The following TRPV1 variants were observed in gnomAD, a reference collection of about 807,000 sequenced individuals.
The protein encoded by TRPV1 is OTRPC1.
In TRPV1, 82 loss-of-function variants were observed where a neutral mutation model predicts 82.3. The observed-to-expected ratio is 1.00, with a 90% confidence interval of 0.83 to 1.20. The LOEUF is 1.20. Among genes scored for constraint, TRPV1 ranks in the 50% most tolerant of loss-of-function variants. The pLI, the probability that TRPV1 is intolerant of heterozygous loss-of-function variation, is 0.00. For missense variants in TRPV1, 1,067 were observed against 1,096.8 expected, an observed-to-expected ratio of 0.97 and a Z score of 0.38; for synonymous variants, 515 against 467.7, an observed-to-expected ratio of 1.10 and a Z score of -1.30.
intron 10 of TRPV1, among the ~76,000 whole-genome samples, chr17:3,581,375 C>T (rs986382482): frequency 1.3e-5 from 2 of 152,170 alleles, no homozygotes; most frequent in African/African-American, 4.8e-5. Context: ...GACACCACCA[C>T]CCTTCTGCTC....
At chr17:3,568,313 C>T (rs1047044435) in intron 16 of TRPV1, among the ~76,000 whole-genome samples, 3 of 147,544 alleles carry the variant, frequency 2.0e-5, no homozygotes, top group Non-Finnish European at 4.5e-5. Flanking sequence ...CAGAGCCAGA[C>T]TCCGTCTCAA....
chr17:3,589,095 C>G (rs2075120893), intron 7 of TRPV1: 1 of 778,712 alleles, frequency 1.3e-6, no homozygotes, highest in Non-Finnish European at 2.1e-6. Context: ...AGGCCTGTCA[C>G]CAGGAGCCAC....
At chr17:3,599,642 T>C (rs1179852731) in intron 2 of TRPV1, among the ~76,000 whole-genome samples, 3 of 149,880 alleles carry the variant, frequency 2.0e-5, no homozygotes, top group Non-Finnish European at 4.4e-5. Flanking sequence ...CTTTTTTTTT[T>C]TTTCGAGATG....
chr17:3,600,063 T>C (rs1212085770), intron 2 of TRPV1, among the ~76,000 whole-genome samples: 1 of 152,214 alleles, frequency 6.6e-6, no homozygotes, highest in Non-Finnish European at 1.5e-5. Flanking sequence ...AACATAGGCG[T>C]GCAAATATCT....
intron 3 of TRPV1, 82 bp downstream of exon 3, chr17:3,591,985 G>A: frequency 6.6e-7 from 1 of 1,517,562 alleles, no homozygotes; most frequent in South Asian, 1.3e-5. Flanking sequence ...GTGACATTTA[G>A]CCCAGAAGCC....
In TRPV1 at chr17:3,580,524, G is replaced by A; in HGVS notation, c.1480C>T (p.Gln494Ter). 1 of 1,614,020 alleles carries A rather than the reference G, an allele frequency of 6.2e-7. No individual in the cohort carries two copies. Among genetic ancestry groups the A allele is most frequent in the South Asian group, 1.1e-5 (1 of 91,086 alleles). ...GGVYFFFRGI[Q>*]YFLQRRPSMK... ...GACGGCCGCCTCTGCAGGAAATACT[G>A]AATCTGCAGGTAAACAGAGAGAGTA... Residue 494 changes from glutamine (Q) to a stop codon, truncating the protein, a stop_gained, in exon 11 of 17, where the codon CAG becomes TAG. Transcript: ENST00000572705. LOFTEE classifies it high-confidence loss of function.
intron 13 of TRPV1, among the ~76,000 whole-genome samples, chr17:3,575,319 C>T (rs1469356070): frequency 6.6e-6 from 1 of 152,000 alleles, no homozygotes; most frequent in African/African-American, 2.4e-5. Flanking sequence ...CCCATCTGTA[C>T]TAAAAATATA....
At chr17:3,570,569 T>C (rs1431682633) in intron 16 of TRPV1, among the ~76,000 whole-genome samples, 2 of 152,220 alleles carry the variant, frequency 1.3e-5, no homozygotes, top group South Asian at 2.1e-4. Flanking sequence ...TAATTATAAC[T>C]CAAAATTTGT....
chr17:3,574,917 C>CAAAAAAAAAAAAA, intron 13 of TRPV1, among the ~76,000 whole-genome samples: 1 of 82,934 alleles, frequency 1.2e-5, no homozygotes, highest in Non-Finnish European at 2.4e-5. Flanking sequence ...GACTCTATCT[C>CAAAAAAAAAAAAA]AAAAAAAAAA....
chr17:3,574,386 C>G (rs2074901786), intron 13 of TRPV1, among the ~76,000 whole-genome samples: 2 of 152,202 alleles, frequency 1.3e-5, no homozygotes, highest in Non-Finnish European at 2.9e-5. Context: ...AGCCTGAGAG[C>G]CTCTGCAGCA....
intron 2 of TRPV1, chr17:3,602,109 C>CGTTTT (rs1358779933): frequency 1.3e-5 from 2 of 152,130 alleles, no homozygotes; most frequent in African/African-American, 2.4e-5. Context: ...ATTTTGTCCC[C>CGTTTT]GTTTTACTGA....
At chr17:3,574,411 T>C (rs2074901972) in intron 13 of TRPV1, among the ~76,000 whole-genome samples, 2 of 152,184 alleles carry the variant, frequency 1.3e-5, no homozygotes, top group Admixed American at 1.3e-4. Context: ...TGCATCGTGG[T>C]TGCTGCCTAT....
chr17:3,594,160 C>CAAAAAA (rs1567673375), intron 2 of TRPV1, among the ~76,000 whole-genome samples: 14 of 115,882 alleles, frequency 1.2e-4, no homozygotes, highest in African/African-American at 1.0e-3. Flanking sequence ...AAAGAAGCAG[C>CAAAAAA]AGCAGCAGCA....
At chr17:3,576,061 C>CAA (rs35246256) in intron 13 of TRPV1, among the ~76,000 whole-genome samples, 1,534 of 144,602 alleles carry the variant, frequency 0.011, 21 homozygotes, top group African/African-American at 0.036. Context: ...ACTAAAAATA[C>CAA]AAAAAAAAAA....
At position 3,599,512 on chromosome 17, in the gene TRPV1, G is replaced by A. The variant is rs189539747; in HGVS notation, c.-33-7129C>T. ...AATTTAACTATTCTAGGAGTCCTCT[G>A]GTCAGGAATCATACAGTATTTGTCT... On this transcript the variant is annotated intron_variant, in intron 2 of 16. Transcript: ENST00000572705. Among the ~76,000 whole-genome samples, 217 of 129,156 alleles carry A rather than the reference G, an allele frequency of 1.7e-3. 2 individuals carry two copies. Among genetic ancestry groups the A allele is most frequent in the African/African-American group, 9.8e-3 (198 of 20,194 alleles). The allele number at this position is 129,156 out of a possible 152,430, so 84.7% of individuals were successfully genotyped here.
intron 8 of TRPV1, among the ~76,000 whole-genome samples, chr17:3,586,589 T>C (rs1168864681): frequency 1.3e-5 from 2 of 152,070 alleles, no homozygotes; most frequent in Non-Finnish European, 2.9e-5. Context: ...TTGGCCAACG[T>C]GGTGAAACTC....
chr17:3,572,271 A>C lies in TRPV1; in HGVS notation c.2104-22T>G, dbSNP rs877611. The C allele has an allele frequency of 0.31, 491,140 of 1,591,646 alleles. 77,486 individuals are homozygous for C. The highest frequency in any genetic ancestry group is 0.32 in the Non-Finnish European group (377,654 of 1,168,090). On this transcript the variant is annotated intron_variant, in intron 14 of 16. Transcript: ENST00000572705. ...CTCTCTGCAGGAAGACACCAAGGGCAGAGGAGCTGAGGGGCAGAGGGTGCA... is the reference window on the plus strand; with the variant it reads ...CTCTCTGCAGGAAGACACCAAGGGCCGAGGAGCTGAGGGGCAGAGGGTGCA...
At chr17:3,585,972 T>C (rs899013088) in intron 8 of TRPV1, 46 bp from the exon 9 acceptor site, 10 of 1,608,536 alleles carry the variant, frequency 6.2e-6, no homozygotes, top group Non-Finnish European at 8.5e-6. Flanking sequence ...CAGCAGGAAC[T>C]CCTCGCACGC....
rs71153376 is a variant in TRPV1, at chr17:3,582,189, C to CAAAAAAAAAA, written c.1476+1139_1476+1148dup. ...TGGGCGAAAGAGTGAGACTCCATCT[C>CAAAAAAAAAA]AAAAAAAAAAAAAAAAAAAAAAAAA... On this transcript the variant is annotated intron_variant, in intron 10 of 16. Transcript: ENST00000572705. 7.7e-5 allele frequency among the ~76,000 whole-genome samples: 2 copies of CAAAAAAAAAA among 25,914 alleles called. 1 individual carries two copies. The highest frequency in any genetic ancestry group is 1.5e-4 in the Non-Finnish European group (2 of 13,638). 17.0% of individuals were successfully genotyped at this position (25,914 alleles called of 152,430 possible).
Sources: gnomAD v4.1 joint callset for allele counts (sites outside exome capture counted in the v4.1 genomes callset) on GRCh38, gnomAD v4.1.1 for gene constraint, MANE v1.5 for transcripts, NCBI Gene and HGNC (gene_info 2026-07-23, HGNC 2026-07-21) for gene names.